Variants in UVRAG observed in about 807,000 individuals in gnomAD.
UVRAG encodes the protein UV radiation resistance-associated gene protein.
Under a neutral mutation model 78.0 loss-of-function variants are expected in UVRAG, and 19 were observed. The ratio of observed to expected loss-of-function variants is 0.24; its 90% CI spans 0.17 to 0.36. UVRAG has a LOEUF of 0.36. Among genes scored for constraint, UVRAG ranks in the 10% least tolerant of loss-of-function variants. The probability of loss-of-function intolerance (pLI) is 1.00; values close to 1 mark genes in which losing one functional copy is unlikely to be tolerated. For synonymous variants in UVRAG, 323 were observed against 324.6 expected (o/e 1.00, Z 0.05); for missense variants, 740 against 853.8 (o/e 0.87, Z 1.66).
chr11:75,954,975 A>G (rs1189130131), intron 6 of UVRAG, among the ~76,000 whole-genome samples: 1 of 152,242 alleles, frequency 6.6e-6, no homozygotes, highest in Non-Finnish European at 1.5e-5. Context: ...TTGTAGGCAC[A>G]TAGAACAACT....
chr11:75,846,108 A>C (rs997389634), intron 1 of UVRAG, among the ~76,000 whole-genome samples: 8 of 152,234 alleles, frequency 5.3e-5, no homozygotes, highest in Admixed American at 5.2e-4. Context: ...CAGACCAGTA[A>C]TTCTGTTTAG....
intron 9 of UVRAG, among the ~76,000 whole-genome samples, chr11:76,004,601 CATTTCATT>C (rs1253796539): frequency 1.1e-5 from 1 of 94,856 alleles, no homozygotes. Flanking sequence ...TGTGGAGAAA[CATTTCATT>C]CATTCATTCA....
chr11:75,957,417 G>GT (rs895021098), intron 6 of UVRAG, among the ~76,000 whole-genome samples: 131 of 142,250 alleles, frequency 9.2e-4, no homozygotes, highest in African/African-American at 1.4e-3. Context: ...ATTGATCTTT[G>GT]TTTTTTTTTT....
chr11:75,909,395 G>A (rs1947685832), intron 5 of UVRAG, among the ~76,000 whole-genome samples: 1 of 152,094 alleles, frequency 6.6e-6, no homozygotes. Context: ...GAGGCAGGAG[G>A]ATCGCTTCAG....
At chr11:75,914,596 T>A (rs1340513638) in intron 6 of UVRAG, 1 of 152,200 alleles carries the variant, frequency 6.6e-6, no homozygotes, top group Non-Finnish European at 1.5e-5. Flanking sequence ...CAGGTTCAAG[T>A]GATTCTCCTG....
At chr11:76,062,409 T>A (rs1951111359) in intron 12 of UVRAG, among the ~76,000 whole-genome samples, 1 of 152,226 alleles carries the variant, frequency 6.6e-6, no homozygotes, top group South Asian at 2.1e-4. Context: ...GTAACCAAGA[T>A]CTTTAGGATT....
At chr11:75,880,937 T>C (rs1308778418) in intron 4 of UVRAG, among the ~76,000 whole-genome samples, 43 of 134,352 alleles carry the variant, frequency 3.2e-4, no homozygotes, top group African/African-American at 1.3e-3. Flanking sequence ...TCTTTTTTTT[T>C]TTTTTTTTTT....
At chr11:76,081,833 C>G (rs1320587226) in intron 13 of UVRAG, among the ~76,000 whole-genome samples, 1 of 148,860 alleles carries the variant, frequency 6.7e-6, no homozygotes, top group Non-Finnish European at 1.5e-5. Context: ...ATATGTTCAT[C>G]ATTAATTAAG....
At chr11:76,093,917 G>A (rs1364751479) in intron 13 of UVRAG, among the ~76,000 whole-genome samples, 1 of 152,194 alleles carries the variant, frequency 6.6e-6, no homozygotes, top group Non-Finnish European at 1.5e-5. Context: ...TGGTGAGAGA[G>A]GGCATCCCTG....
At chr11:75,928,939 CAAAA>C (rs368913080) in intron 6 of UVRAG, among the ~76,000 whole-genome samples, 2 of 67,494 alleles carry the variant, frequency 3.0e-5, no homozygotes, top group East Asian at 5.1e-4. Flanking sequence ...GAGACTGTCT[CAAAA>C]AAAAAAAAAA....
In UVRAG at chr11:75,877,633, A is replaced by G. The variant is rs1262481464; in HGVS notation, c.271-2246A>G. Among the ~76,000 whole-genome samples, 6 of 115,366 alleles carry G rather than the reference A, an allele frequency of 5.2e-5. No homozygotes were observed. In the South Asian group the frequency reaches 2.0e-3, roughly 38 times the overall value. 75.7% of individuals were successfully genotyped at this position (115,366 alleles called of 152,430 possible). A position where few individuals can be genotyped will look rare whatever the true frequency, so the allele number is the denominator to read the frequency against. ...GCTGACCCCCCCACCTCCCTCCCGGACGGAGCGGCTGGCCAGGCAGAGGGG... is the reference window on the plus strand; with the variant it reads ...GCTGACCCCCCCACCTCCCTCCCGGGCGGAGCGGCTGGCCAGGCAGAGGGG... On this transcript the variant is annotated intron_variant, in intron 3 of 14. Coordinates refer to ENST00000356136, the MANE Select transcript of UVRAG (RefSeq NM_003369.4).
At position 75,829,684 on chromosome 11, in the gene UVRAG, G is replaced by A. The variant is rs74622360; in HGVS notation, c.117+14160G>A. On this transcript the variant is annotated intron_variant, in intron 1 of 14. Transcript: ENST00000356136. Reference sequence around the variant, plus strand: ...ATAGTGAACATGTTTCTGTCTCAGCGGGCCTTCTAGGGTCTTAGTAGCAAG... The same window carrying A: ...ATAGTGAACATGTTTCTGTCTCAGCAGGCCTTCTAGGGTCTTAGTAGCAAG... Among the ~76,000 whole-genome samples the A allele has an allele frequency of 1.7e-3, 259 of 152,294 alleles. 6 individuals carry two copies. In the East Asian group the frequency reaches 0.034, roughly 20 times the overall value.
At chr11:75,890,775 AG>A (rs1247930608) in intron 5 of UVRAG, among the ~76,000 whole-genome samples, 3 of 152,172 alleles carry the variant, frequency 2.0e-5, no homozygotes, top group Non-Finnish European at 4.4e-5. Context: ...GTAGGAAGAA[AG>A]GGGGCTAGGT....
At chr11:76,057,963 TG>T (rs1323947642) in intron 12 of UVRAG, among the ~76,000 whole-genome samples, 1 of 152,120 alleles carries the variant, frequency 6.6e-6, no homozygotes, top group Non-Finnish European at 1.5e-5. Flanking sequence ...GAGGCTCGTG[TG>T]GTTTTTTTTG....
At position 75,879,947 on chromosome 11, in the gene UVRAG, C is replaced by T. The variant is rs200407197; in HGVS notation, c.339C>T (p.Phe113=). 2.0e-5 allele frequency: 32 copies of T among 1,614,126 alleles called. No individual in the cohort carries two copies. Among genetic ancestry groups the T allele is most frequent in the Admixed American group, 3.3e-5 (2 of 60,028 alleles). Residue 113 remains phenylalanine (F), a synonymous_variant, in exon 4 of 15, where the codon TTC becomes TTT. Coordinates refer to ENST00000356136, the MANE Select transcript of UVRAG (RefSeq NM_003369.4). The stretch of plus-strand genomic sequence containing the variant: ...GTCTTGATACATCTGTGTCTTGTTT[C>T]GTGGTGAAGATATGGGGTGGAAAGG... ...PDRLDTSVSC[F]VVKIWGGKEN...
At chr11:76,013,566 T>G (rs1950093363) in intron 11 of UVRAG, among the ~76,000 whole-genome samples, 1 of 152,236 alleles carries the variant, frequency 6.6e-6, no homozygotes, top group African/African-American at 2.4e-5. Context: ...CCCAGAGAGC[T>G]GGGTTTTGGC....
intron 5 of UVRAG, among the ~76,000 whole-genome samples, chr11:75,908,027 A>G (rs1310506757): frequency 6.6e-6 from 1 of 152,174 alleles, no homozygotes. Flanking sequence ...TCATCTTGCA[A>G]AACTTTTCAC....
At chr11:75,849,307 C>T (rs1215435418) in intron 1 of UVRAG, among the ~76,000 whole-genome samples, 8 of 152,046 alleles carry the variant, frequency 5.3e-5, no homozygotes, top group Non-Finnish European at 1.0e-4. Flanking sequence ...AGATTGAGAC[C>T]ATCCTGGCTA....
chr11:76,129,326 A>G (rs1410071707), intron 14 of UVRAG, among the ~76,000 whole-genome samples: 1 of 152,252 alleles, frequency 6.6e-6, no homozygotes, highest in African/African-American at 2.4e-5. Flanking sequence ...TCTTGTTATT[A>G]CAGCCTTCTC....
Sources: gnomAD v4.1 joint callset for allele counts (sites outside exome capture counted in the v4.1 genomes callset) on GRCh38, gnomAD v4.1.1 for gene constraint, MANE v1.5 for transcripts, NCBI Gene and HGNC (gene_info 2026-07-23, HGNC 2026-07-21) for gene names.